NOS1AP: variants seen among roughly 807,000 people sequenced by gnomAD.
NOS1AP encodes the protein nitric oxide synthase 1 adaptor protein, also known as carboxyl-terminal PDZ ligand of neuronal nitric oxide synthase protein.
In NOS1AP, 21 loss-of-function variants were observed where a neutral mutation model predicts 56.2. The observed-to-expected ratio is 0.37, with a 90% CI of 0.26 to 0.54. The LOEUF (loss-of-function observed/expected upper bound fraction) is 0.54. NOS1AP is among the 20% of genes least tolerant of loss of function. The pLI is 0.84. For synonymous variants in NOS1AP, 270 were observed against 274.6 expected, an observed-to-expected ratio of 0.98 and a Z score of 0.17; for missense variants, 522 against 657.8, an observed-to-expected ratio of 0.79 and a Z score of 2.26.
chr1:162,129,967 T>C (rs1323773679), intron 1 of NOS1AP, among the ~76,000 whole-genome samples: 1 of 152,266 alleles, frequency 6.6e-6, no homozygotes, highest in Non-Finnish European at 1.5e-5. Context: ...AATTAATTAC[T>C]TGGGTTTAAT....
chr1:162,078,421 T>C (rs1269486275), intron 1 of NOS1AP, among the ~76,000 whole-genome samples: 1 of 152,192 alleles, frequency 6.6e-6, no homozygotes, highest in African/African-American at 2.4e-5. Context: ...GTTTACTGGG[T>C]ACCTATGATG....
intron 1 of NOS1AP, 25 bp from the exon 2 acceptor site, chr1:162,154,380 A>G: frequency 4.3e-6 from 7 of 1,612,468 alleles, no homozygotes; most frequent in Non-Finnish European, 5.9e-6. Flanking sequence ...CCTCCTCTCA[A>G]TGAGTGTTTG....
At chr1:162,261,445 A>G (rs1284620947) in intron 2 of NOS1AP, among the ~76,000 whole-genome samples, 2 of 105,232 alleles carry the variant, frequency 1.9e-5, no homozygotes, top group African/African-American at 3.8e-5. Flanking sequence ...AAGAGTCCTT[A>G]TAGAAGAGAG....
intron 3 of NOS1AP, 66 bp downstream of exon 3, chr1:162,287,502 T>C (rs1022145713): frequency 1.9e-6 from 2 of 1,027,668 alleles, no homozygotes; most frequent in East Asian, 4.7e-5. Flanking sequence ...TGGGGTACCT[T>C]CTTCTTCTGG....
At chr1:162,240,243 C>CTGTGTGTGTG (rs1653446639) in intron 2 of NOS1AP, among the ~76,000 whole-genome samples, 1 of 79,870 alleles carries the variant, frequency 1.3e-5, no homozygotes, top group African/African-American at 6.1e-5. Context: ...ACTGTGTGGC[C>CTGTGTGTGTG]AGTGTGTGTG....
At chr1:162,306,867 G>T (rs1369635471) in intron 4 of NOS1AP, among the ~76,000 whole-genome samples, 1 of 151,940 alleles carries the variant, frequency 6.6e-6, no homozygotes, top group East Asian at 1.9e-4. Flanking sequence ...AACCTGGGAG[G>T]CAGAGGCTGC....
Position 162,219,949 on chromosome 1 carries a change from G to A in NOS1AP, c.177+65473G>A, listed in dbSNP as rs111251346. On this transcript the variant is annotated intron_variant, in intron 2 of 9. Coordinates refer to ENST00000361897, the MANE Select transcript of NOS1AP (RefSeq NM_014697.3). The stretch of plus-strand genomic sequence containing the variant: ...TGTTGTGTGTGTGGTTTTTATTTTT[G>A]AGACAGGGTCTCACTCTGTCACTCA... Among the ~76,000 whole-genome samples, 821 of 152,178 alleles carry A rather than the reference G, an allele frequency of 5.4e-3. 7 individuals carry two copies. Among genetic ancestry groups the A allele is most frequent in the African/African-American group, 0.019 (774 of 41,512 alleles).
intron 1 of NOS1AP, among the ~76,000 whole-genome samples, chr1:162,099,441 C>T (rs1326515897): frequency 1.3e-5 from 2 of 152,276 alleles, no homozygotes; most frequent in Admixed American, 1.3e-4. Flanking sequence ...CCACCCTCAG[C>T]CTCCCAATGT....
intron 1 of NOS1AP, among the ~76,000 whole-genome samples, chr1:162,094,473 T>C (rs979958730): frequency 2.0e-5 from 3 of 152,108 alleles, no homozygotes; most frequent in Non-Finnish European, 4.4e-5. Context: ...AAAACAGAAT[T>C]AGAGAACCAG....
intron 1 of NOS1AP, among the ~76,000 whole-genome samples, chr1:162,128,479 T>C: frequency 6.6e-6 from 1 of 152,308 alleles, no homozygotes; most frequent in South Asian, 2.1e-4. Context: ...CTTATACATA[T>C]ATACACAAAT....
chr1:162,332,092 T>C (rs1272018197), intron 4 of NOS1AP, among the ~76,000 whole-genome samples: 1 of 152,220 alleles, frequency 6.6e-6, no homozygotes, highest in Non-Finnish European at 1.5e-5. Flanking sequence ...TTGCTGACCA[T>C]ACTCCACTTG....
At chr1:162,309,354 G>T (rs985990685) in intron 4 of NOS1AP, among the ~76,000 whole-genome samples, 3 of 152,162 alleles carry the variant, frequency 2.0e-5, no homozygotes, top group African/African-American at 7.2e-5. Context: ...TAAAGACAAA[G>T]ATTTTAAAAC....
At chr1:162,198,039 C>T (rs778526863) in intron 2 of NOS1AP, among the ~76,000 whole-genome samples, 6 of 152,214 alleles carry the variant, frequency 3.9e-5, no homozygotes, top group Non-Finnish European at 7.3e-5. Flanking sequence ...GTCATGGGCC[C>T]GGCCTGGCTG....
At chr1:162,183,952 GCTAA>G (rs1257489621) in intron 2 of NOS1AP, among the ~76,000 whole-genome samples, 1 of 152,144 alleles carries the variant, frequency 6.6e-6, no homozygotes, top group South Asian at 2.1e-4. Flanking sequence ...TCACATCTTG[GCTAA>G]CTGTTTGGCA....
At chr1:162,341,143 A>G (rs1053871686) in intron 5 of NOS1AP, among the ~76,000 whole-genome samples, 5 of 152,164 alleles carry the variant, frequency 3.3e-5, no homozygotes, top group African/African-American at 4.8e-5. Flanking sequence ...CCCCTGTCTA[A>G]TCCCATAGAT....
chr1:162,339,784 G>T (rs974354043), intron 5 of NOS1AP, among the ~76,000 whole-genome samples: 1 of 152,178 alleles, frequency 6.6e-6, no homozygotes, highest in Non-Finnish European at 1.5e-5. Flanking sequence ...TAACTAAGTG[G>T]GGTAGGCCTA....
At chr1:162,187,444 C>T (rs959121093) in intron 2 of NOS1AP, among the ~76,000 whole-genome samples, 1 of 152,148 alleles carries the variant, frequency 6.6e-6, no homozygotes, top group African/African-American at 2.4e-5. Context: ...TTTCTAGTTT[C>T]TCACAGCTGT....
intron 2 of NOS1AP, among the ~76,000 whole-genome samples, chr1:162,264,293 G>A (rs938242140): frequency 1.8e-4 from 27 of 151,918 alleles, no homozygotes; most frequent in African/African-American, 6.3e-4. Context: ...CTTTCCTGGG[G>A]TCATGCTGAT....
At chr1:162,300,609 C>T in intron 3 of NOS1AP, 24 bp from the exon 4 acceptor site, 1 of 1,602,052 alleles carries the variant, frequency 6.2e-7, no homozygotes, top group East Asian at 2.2e-5. Context: ...TAACTGAGGA[C>T]AAGCCTAACT....
Sources: gnomAD v4.1 joint callset for allele counts (sites outside exome capture counted in the v4.1 genomes callset) on GRCh38, gnomAD v4.1.1 for gene constraint, MANE v1.5 for transcripts, NCBI Gene and HGNC (gene_info 2026-07-23, HGNC 2026-07-21) for gene names.